The following PTK2B variants were observed in gnomAD, a reference collection of about 807,000 sequenced individuals.
PTK2B encodes the protein protein-tyrosine kinase 2-beta.
In PTK2B, 71 loss-of-function variants were observed where a neutral mutation model predicts 142.9. The observed-to-expected ratio is 0.50, with a 90% CI of 0.41 to 0.61. The LOEUF is 0.61. Ranked by LOEUF, PTK2B falls within the 20% of genes least tolerant of loss-of-function variation. The pLI, the probability that PTK2B is intolerant of heterozygous loss-of-function variation, is 0.00. For synonymous variants in PTK2B, 519 were observed against 503.4 expected, an observed-to-expected ratio of 1.03 and a Z score of -0.42; for missense variants, 1,105 against 1,320.4, an observed-to-expected ratio of 0.84 and a Z score of 2.53.
rs188620608 is a variant in PTK2B, at chr8:27,433,154, T to G, written c.988-281T>G. On this transcript the variant is annotated intron_variant, in intron 10 of 30. Coordinates refer to ENST00000346049, the MANE Select transcript of PTK2B (RefSeq NM_173176.3). ...CTCTTCCATTTTCTCAGTTTCTGCT[T>G]CTATTTATTGAGCACCTACTAGGTA... Among the ~76,000 whole-genome samples, 4 of 152,324 alleles carry G rather than the reference T, an allele frequency of 2.6e-5. No homozygotes were observed. In the East Asian group the frequency reaches 5.8e-4, roughly 22 times the overall value.
At chr8:27,404,531 G>A (rs535284296) in intron 2 of PTK2B, among the ~76,000 whole-genome samples, 8 of 152,168 alleles carry the variant, frequency 5.3e-5, no homozygotes, top group East Asian at 1.9e-4. Context: ...CCTCCCACCC[G>A]CAGCAGGGAC....
chr8:27,410,899 G>T (rs758129974), intron 2 of PTK2B, among the ~76,000 whole-genome samples: 5 of 152,154 alleles, frequency 3.3e-5, no homozygotes, highest in Non-Finnish European at 7.3e-5. Flanking sequence ...AGCCAAGCAG[G>T]AGGAAAAGCT....
intron 21 of PTK2B, 96 bp from the exon 22 acceptor site, chr8:27,442,779 A>G: frequency 9.5e-7 from 1 of 1,053,720 alleles, no homozygotes; most frequent in Admixed American, 2.1e-5. Flanking sequence ...AACCTTGCCC[A>G]GGCCTCTCTG....
intron 1 of PTK2B, among the ~76,000 whole-genome samples, chr8:27,394,314 A>G (rs1440296664): frequency 6.6e-6 from 1 of 152,198 alleles, no homozygotes; most frequent in Non-Finnish European, 1.5e-5. Context: ...CCTAGATGGT[A>G]CAGCCTAGAC....
chr8:27,345,364 T>G (rs959267816), intron 1 of PTK2B, among the ~76,000 whole-genome samples: 1 of 152,250 alleles, frequency 6.6e-6, no homozygotes, highest in Non-Finnish European at 1.5e-5. Context: ...AGGACTTCTG[T>G]TACCATCTCC....
chr8:27,374,256 G>A lies in PTK2B; in HGVS notation c.-37-23292G>A, dbSNP rs144875075. On this transcript the variant is annotated intron_variant, in intron 1 of 30. Coordinates refer to ENST00000346049, the MANE Select transcript of PTK2B (RefSeq NM_173176.3). ...GGGATTTGAAACCCCAAAGGGGACT[G>A]CATTTAAGCCTAAAGGTTCAAACCA... 5.2e-3 allele frequency among the ~76,000 whole-genome samples: 788 copies of A among 152,334 alleles called. 4 individuals are homozygous for A. Among genetic ancestry groups the A allele is most frequent in the African/African-American group, 0.018 (740 of 41,572 alleles).
intron 1 of PTK2B, among the ~76,000 whole-genome samples, chr8:27,378,012 G>A (rs1325962246): frequency 1.3e-5 from 2 of 152,174 alleles, no homozygotes; most frequent in Non-Finnish European, 2.9e-5. Context: ...TTGTAAAAAC[G>A]AGGGAAGTAA....
At chr8:27,406,463 T>C (rs6991819) in intron 2 of PTK2B, among the ~76,000 whole-genome samples, 3,792 of 152,216 alleles carry the variant, frequency 0.025, 168 homozygotes, top group African/African-American at 0.086. Context: ...TGTACAGCAG[T>C]GAGTGGGCCT....
intron 7 of PTK2B, 86 bp from the exon 8 acceptor site, chr8:27,430,790 T>C: frequency 6.6e-7 from 1 of 1,517,180 alleles, no homozygotes; most frequent in Non-Finnish European, 8.9e-7. Context: ...TTTCGAGCAG[T>C]GGGCAGTCTC....
intron 1 of PTK2B, among the ~76,000 whole-genome samples, chr8:27,393,910 G>A (rs1807881610): frequency 6.6e-6 from 1 of 152,048 alleles, no homozygotes; most frequent in Non-Finnish European, 1.5e-5. Context: ...TCCTGAAGCT[G>A]GGACCTGCTG....
In PTK2B at chr8:27,439,293, C is replaced by T. The variant is rs1272904255; in HGVS notation, c.1745-16C>T. On this transcript the variant is annotated splice_polypyrimidine_tract_variant and intron_variant, in intron 19 of 30. Coordinates refer to ENST00000346049, the MANE Select transcript of PTK2B (RefSeq NM_173176.3). ...ATCTTTCTTCCCTAAAAATCAACCTCTTTGCCCACCCAAAGCCTCTGTGAC... is the reference window on the plus strand; with the variant it reads ...ATCTTTCTTCCCTAAAAATCAACCTTTTTGCCCACCCAAAGCCTCTGTGAC... 2 of 1,607,092 alleles carry T rather than the reference C, an allele frequency of 1.2e-6. No individual in the cohort carries two copies. Among genetic ancestry groups the T allele is most frequent in the Non-Finnish European group, 1.7e-6 (2 of 1,173,744 alleles).
intron 4 of PTK2B, 105 bp from the exon 5 acceptor site, chr8:27,422,199 T>G (rs1002881067): frequency 2.0e-5 from 22 of 1,086,294 alleles, no homozygotes; most frequent in Non-Finnish European, 2.7e-5. Context: ...GGTGGGTGGC[T>G]GTCACTCAGG....
chr8:27,419,404 T>G (rs1484522128), intron 2 of PTK2B, among the ~76,000 whole-genome samples: 1 of 152,208 alleles, frequency 6.6e-6, no homozygotes, highest in Non-Finnish European at 1.5e-5. Flanking sequence ...CCGTGGGTTG[T>G]GGGACATATA....
intron 1 of PTK2B, among the ~76,000 whole-genome samples, chr8:27,385,068 G>A (rs113931083): frequency 5.9e-5 from 9 of 152,146 alleles, no homozygotes; most frequent in Admixed American, 4.6e-4. Flanking sequence ...TTCTGCTCTC[G>A]ACTTGCTGTG....
rs1810883260 is a variant in PTK2B at position 27,437,797 on chromosome 8, C to A, written c.1560C>A (p.Ser520=). ...LGHYLERNKN[S]LKVLTLVLYS... ...ACTACCTGGAGCGGAACAAGAACTC[C>A]CTGAAGGTGCTCACCCTCGTGCTGT... Residue 520 remains serine (S), a synonymous_variant, in exon 18 of 31, where the codon TCC becomes TCA. Transcript: ENST00000346049. The A allele has an allele frequency of 6.2e-7, 1 of 1,613,196 alleles. No homozygotes were observed. Among genetic ancestry groups the A allele is most frequent in the Admixed American group, 1.7e-5 (1 of 59,870 alleles).
intron 1 of PTK2B, among the ~76,000 whole-genome samples, chr8:27,342,448 G>A (rs1804462250): frequency 6.6e-6 from 1 of 151,942 alleles, no homozygotes; most frequent in Non-Finnish European, 1.5e-5. Context: ...TGTTCTTAAT[G>A]CTTCAAAAAT....
chr8:27,403,203 CT>C (rs1367573923), intron 2 of PTK2B, among the ~76,000 whole-genome samples: 1 of 152,180 alleles, frequency 6.6e-6, no homozygotes, highest in East Asian at 1.9e-4. Context: ...GCTGCCAGCC[CT>C]TTCAAATTTG....
intron 13 of PTK2B, 103 bp from the exon 14 acceptor site, chr8:27,435,640 C>G (rs1168993903): frequency 5.7e-6 from 8 of 1,398,634 alleles, no homozygotes; most frequent in African/African-American, 5.7e-5. Flanking sequence ...CCTCCTACCC[C>G]CTTGGGCTCC....
chr8:27,377,154 C>G (rs146161386), intron 1 of PTK2B, among the ~76,000 whole-genome samples: 3 of 152,174 alleles, frequency 2.0e-5, no homozygotes, highest in Admixed American at 1.3e-4. Context: ...TAGGAAAGAC[C>G]TCTTTGGTAC....
Sources: allele counts gnomAD v4.1 joint callset (sites outside exome capture counted in the v4.1 genomes callset), GRCh38; gene constraint gnomAD v4.1.1; transcripts MANE v1.5; gene names NCBI Gene and HGNC (gene_info 2026-07-23, HGNC 2026-07-21).